Variants in PSMG4 observed in about 807,000 individuals in gnomAD.
The protein encoded by PSMG4 is proteasome (prosome, macropain) assembly chaperone 4.
In PSMG4, 10 loss-of-function variants were observed where a neutral mutation model predicts 11.0. The ratio of observed to expected loss-of-function variants is 0.91; its 90% CI spans 0.56 to 1.54. PSMG4 has a LOEUF of 1.54. Among genes scored for constraint, PSMG4 ranks in the 40% most tolerant of loss-of-function variants. The probability of loss-of-function intolerance (pLI) is 0.00; values close to 1 mark genes in which losing one functional copy is unlikely to be tolerated. For missense variants in PSMG4, 198 were observed against 160.9 expected, an observed-to-expected ratio of 1.23 and a Z score of -1.25; for synonymous variants, 95 against 71.3, an observed-to-expected ratio of 1.33 and a Z score of -1.68.
At chr6:3,259,269 G>GC (rs1449600667) in intron 1 of PSMG4, 73 bp downstream of exon 1, 16 of 1,194,014 alleles carry the variant, frequency 1.3e-5, no homozygotes, top group African/African-American at 4.8e-5. Context: ...GCGAGCTGCA[G>GC]CCCCCCAGGC....
chr6:3,263,446 C>T (rs535236549), intron 1 of PSMG4, among the ~76,000 whole-genome samples: 2 of 152,238 alleles, frequency 1.3e-5, no homozygotes, highest in African/African-American at 4.8e-5. Flanking sequence ...GGTCCTAGAA[C>T]TTAGTAGCAC....
At chr6:3,255,106 A>C (rs9503498), upstream of PSMG4, 1,252,575 of 1,550,874 alleles carry the variant, frequency 0.81, 510,647 homozygotes, top group Non-Finnish European at 0.84. Context: ...GCATAGGAGC[A>C]CAACATCACC....
chr6:3,255,695 C>T (rs1326976443), upstream of PSMG4, among the ~76,000 whole-genome samples: 1 of 152,194 alleles, frequency 6.6e-6, no homozygotes, highest in Admixed American at 6.5e-5. Flanking sequence ...CCTCCTATGG[C>T]CAAAAGCAGG....
At chr6:3,258,889 C>G (rs1440718652), upstream of PSMG4, 2 of 895,544 alleles carry the variant, frequency 2.2e-6, no homozygotes, top group East Asian at 6.7e-5. Flanking sequence ...CCGACCACGC[C>G]CCTCACCCCC....
At chr6:3,258,524 T>C (rs1020196813), upstream of PSMG4, among the ~76,000 whole-genome samples, 1 of 152,190 alleles carries the variant, frequency 6.6e-6, no homozygotes, top group Non-Finnish European at 1.5e-5. Context: ...CTCAGAGTGC[T>C]TGAAGAACTA....
At chr6:3,256,000 G>A (rs529252169), upstream of PSMG4, among the ~76,000 whole-genome samples, 1 of 152,340 alleles carries the variant, frequency 6.6e-6, no homozygotes, top group African/African-American at 2.4e-5. Flanking sequence ...CCACAATGGG[G>A]ATTGCTTCTT....
At chr6:3,266,735 A>ACACG (rs1294451247) in intron 2 of PSMG4, 2 of 152,186 alleles carry the variant, frequency 1.3e-5, no homozygotes, top group Non-Finnish European at 2.9e-5. Flanking sequence ...ATCTGTGCAC[A>ACACG]CACACACAAA....
At chr6:3,267,240 C>A (rs1632) in intron 2 of PSMG4, 24,204 of 202,128 alleles carry the variant, frequency 0.12, 3,432 homozygotes, top group African/African-American at 0.38. Flanking sequence ...TTAAGCAGTG[C>A]GGGGCACCTG....
Position 3,267,800 on chromosome 6 carries a change from C to A in PSMG4, c.*88C>A. 7.3e-7 allele frequency: 1 copy of A among 1,375,614 alleles called. No homozygotes were observed. The allele number at this position is 1,375,614 out of a possible 1,614,324, so 85.2% of individuals were successfully genotyped here. A position where few individuals can be genotyped will look rare whatever the true frequency, so the allele number is the denominator to read the frequency against. ...AATTTCAGTTTGTCATCAGGCCGCG[C>A]TCCCGTTTTGTTTTTAAGGGGTTAA... On this transcript the variant is annotated 3_prime_UTR_variant, in exon 3 of 3. Coordinates refer to ENST00000438998, the MANE Select transcript of PSMG4 (RefSeq NM_001128591.2).
chr6:3,260,277 G>A (rs4959784), intron 1 of PSMG4, among the ~76,000 whole-genome samples: 1,654 of 110,570 alleles, frequency 0.015, 118 homozygotes, highest in African/African-American at 0.069. Context: ...GTCTTAAATT[G>A]TATATATATA....
At chr6:3,259,926 T>A (rs1757913835) in intron 1 of PSMG4, among the ~76,000 whole-genome samples, 1 of 152,174 alleles carries the variant, frequency 6.6e-6, no homozygotes, top group Non-Finnish European at 1.5e-5. Context: ...CCGCGTGGCT[T>A]AAAACAACAG....
chr6:3,258,133 G>A (rs541538397), upstream of PSMG4, among the ~76,000 whole-genome samples: 15 of 151,428 alleles, frequency 9.9e-5, no homozygotes, highest in African/African-American at 3.6e-4. Context: ...ACTCTGTAAT[G>A]TCCTGAAGTG....
chr6:3,254,928 T>A (rs537411850), upstream of PSMG4: 12 of 1,110,756 alleles, frequency 1.1e-5, no homozygotes, highest in Admixed American at 2.7e-5. Context: ...CTTCAGCCAT[T>A]CTCTCACTGG....
At chr6:3,254,728 C>T (rs781569961), upstream of PSMG4, among the ~76,000 whole-genome samples, 1 of 152,090 alleles carries the variant, frequency 6.6e-6, no homozygotes, top group African/African-American at 2.4e-5. Context: ...CCAGAAAAAA[C>T]AAACTCCCCC....
chr6:3,267,116 A>G (rs1758216461), intron 2 of PSMG4: 1 of 152,260 alleles, frequency 6.6e-6, no homozygotes, highest in African/African-American at 2.4e-5. Flanking sequence ...CGGCCTCCCA[A>G]AGTGCTGGGA....
chr6:3,254,787 T>C (rs962477047), upstream of PSMG4, among the ~76,000 whole-genome samples: 4 of 152,088 alleles, frequency 2.6e-5, no homozygotes, highest in African/African-American at 9.7e-5. Flanking sequence ...TCTGGCTGAA[T>C]GCTTGGGGTC....
rs1221601660 is a variant in PSMG4, at chr6:3,267,746, G to A, written c.*34G>A. On this transcript the variant is annotated 3_prime_UTR_variant, in exon 3 of 3. Transcript: ENST00000438998. ...CAGAAGTGAGAATTTGTAAACTTAT[G>A]TACAATGTACGTGTAAATAAATGGA... 2.6e-6 allele frequency: 4 copies of A among 1,544,744 alleles called. No individual in the cohort carries two copies. The highest frequency in any genetic ancestry group is 3.5e-6 in the Non-Finnish European group (4 of 1,141,658).
chr6:3,261,558 C>T (rs1027828138), intron 1 of PSMG4, among the ~76,000 whole-genome samples: 4 of 152,200 alleles, frequency 2.6e-5, no homozygotes, highest in Non-Finnish European at 5.9e-5. Flanking sequence ...GAAAGTGCCC[C>T]TCCAGCAAAG....
chr6:3,260,094 C>T (rs1581548477), intron 1 of PSMG4, among the ~76,000 whole-genome samples: 1 of 104,002 alleles, frequency 9.6e-6, no homozygotes, highest in South Asian at 3.2e-4. Context: ...CATGTGCCAC[C>T]ATACCTGGCT....
Sources: allele counts gnomAD v4.1 joint callset (sites outside exome capture counted in the v4.1 genomes callset), GRCh38; gene constraint gnomAD v4.1.1; transcripts MANE v1.5; gene names NCBI Gene and HGNC (gene_info 2026-07-23, HGNC 2026-07-21).